KRABD5: variants seen among roughly 807,000 people sequenced by gnomAD.
KRABD5 encodes KRAB domain-containing protein 5.
the KRABD5 span, among the ~76,000 whole-genome samples, chr16:31,723,673 GT>G: frequency 6.6e-6 from 1 of 152,294 alleles, no homozygotes; most frequent in African/African-American, 2.4e-5. Flanking sequence ...GTCTGTGCAT[GT>G]TTCTACCTCT....
At chr16:31,730,130 G>A in the KRABD5 span, among the ~76,000 whole-genome samples, 2 of 152,024 alleles carry the variant, frequency 1.3e-5, no homozygotes, top group African/African-American at 2.4e-5. Flanking sequence ...TAGTTTTAAT[G>A]TTTTCATATT....
At chr16:31,740,257 A>T in the KRABD5 span, among the ~76,000 whole-genome samples, 1 of 152,034 alleles carries the variant, frequency 6.6e-6, no homozygotes, top group African/African-American at 2.4e-5. Context: ...AGTCCCTTAG[A>T]CACTCTGTTT....
chr16:31,748,174 G>A, the KRABD5 span, among the ~76,000 whole-genome samples: 2 of 152,118 alleles, frequency 1.3e-5, no homozygotes, highest in African/African-American at 2.4e-5. Context: ...TGTATAAGGT[G>A]TAAGGAAGGG....
At chr16:31,753,235 C>G in the KRABD5 span, among the ~76,000 whole-genome samples, 4 of 152,108 alleles carry the variant, frequency 2.6e-5, no homozygotes, top group African/African-American at 9.7e-5. Context: ...TCTTAGGAGC[C>G]TTTAATCTCC....
chr16:31,750,432 C>T, the KRABD5 span, among the ~76,000 whole-genome samples: 984 of 152,186 alleles, frequency 6.5e-3, 9 homozygotes, highest in African/African-American at 0.023. Context: ...GTTTCAGGAG[C>T]CTTTTGGCAC....
At chr16:31,732,274 A>G in the KRABD5 span, among the ~76,000 whole-genome samples, 1 of 152,240 alleles carries the variant, frequency 6.6e-6, no homozygotes, top group Non-Finnish European at 1.5e-5. Context: ...CATGGCTGCC[A>G]CATTATGTTG....
the KRABD5 span, among the ~76,000 whole-genome samples, chr16:31,720,193 G>A: frequency 5.9e-5 from 9 of 152,212 alleles, no homozygotes; most frequent in Non-Finnish European, 4.4e-5. Flanking sequence ...TGACTTAGAT[G>A]TTACTGTCCT....
chr16:31,757,830 G>A, the KRABD5 span: 14 of 119,410 alleles, frequency 1.2e-4, no homozygotes, highest in African/African-American at 5.3e-4. Flanking sequence ...ATAAAGATAG[G>A]TAGGTAGGTA....
the KRABD5 span, among the ~76,000 whole-genome samples, chr16:31,730,936 T>C: frequency 6.6e-6 from 1 of 152,238 alleles, no homozygotes; most frequent in African/African-American, 2.4e-5. Flanking sequence ...TCAAGTATTG[T>C]ATTATAAAAC....
the KRABD5 span, among the ~76,000 whole-genome samples, chr16:31,716,322 A>T: frequency 6.6e-6 from 1 of 152,098 alleles, no homozygotes; most frequent in Non-Finnish European, 1.5e-5. Context: ...CAGTCCTTCC[A>T]CCAGTTCTGC....
the KRABD5 span, among the ~76,000 whole-genome samples, chr16:31,727,042 A>G: frequency 6.6e-5 from 10 of 152,196 alleles, no homozygotes; most frequent in African/African-American, 2.4e-4. Context: ...TTTTGATGCT[A>G]TTATAAATTG....
the KRABD5 span, among the ~76,000 whole-genome samples, chr16:31,737,277 A>T: frequency 6.6e-6 from 1 of 150,570 alleles, no homozygotes; most frequent in Non-Finnish European, 1.5e-5. Context: ...GTTTACAGAC[A>T]ATATGACCTT....
At chr16:31,719,452 C>T in the KRABD5 span, among the ~76,000 whole-genome samples, 2 of 152,172 alleles carry the variant, frequency 1.3e-5, no homozygotes, top group Non-Finnish European at 2.9e-5. Context: ...GAGTCAAGTT[C>T]TTGTGGTCAA....
At chr16:31,720,609 T>C in the KRABD5 span, among the ~76,000 whole-genome samples, 2 of 152,218 alleles carry the variant, frequency 1.3e-5, no homozygotes, top group African/African-American at 4.8e-5. Flanking sequence ...ATTTACTTTT[T>C]TCCCCCACTA....
chr16:31,753,473 G>A, the KRABD5 span, among the ~76,000 whole-genome samples: 7 of 152,104 alleles, frequency 4.6e-5, no homozygotes, highest in Non-Finnish European at 7.4e-5. Flanking sequence ...AACAGAATGC[G>A]AAAAATTTTT....
At chr16:31,740,403 C>T in the KRABD5 span, among the ~76,000 whole-genome samples, 1 of 152,114 alleles carries the variant, frequency 6.6e-6, no homozygotes, top group Non-Finnish European at 1.5e-5. Flanking sequence ...CAGCTCCATA[C>T]TTTGTGTTTT....
chr16:31,737,356 G>T, the KRABD5 span, among the ~76,000 whole-genome samples: 2 of 152,248 alleles, frequency 1.3e-5, no homozygotes, highest in East Asian at 1.9e-4. Flanking sequence ...CTGTAAAGTC[G>T]CAGGATACAA....
the KRABD5 span, among the ~76,000 whole-genome samples, chr16:31,734,266 G>A: frequency 7.2e-6 from 1 of 139,270 alleles, no homozygotes; most frequent in Non-Finnish European, 1.6e-5. Context: ...TTTATTGTTT[G>A]TAGAGACAGG....
the KRABD5 span, among the ~76,000 whole-genome samples, chr16:31,734,132 T>C: frequency 1.3e-5 from 2 of 152,184 alleles, no homozygotes. Flanking sequence ...CAATTATATA[T>C]ATGTGTGTGT....
Sources: allele counts gnomAD v4.1 joint callset (sites outside exome capture counted in the v4.1 genomes callset), GRCh38; gene constraint gnomAD v4.1.1; transcripts MANE v1.5; gene names NCBI Gene and HGNC (gene_info 2026-07-23, HGNC 2026-07-21).